The following ZNF616 variants were observed in gnomAD, a reference collection of about 807,000 sequenced individuals.
The protein encoded by ZNF616 is zinc finger protein 616.
A neutral mutation model predicts 7.6 loss-of-function variants in ZNF616; 5 were observed. That is an observed-to-expected ratio of 0.66 (90% CI 0.34 to 1.38). The LOEUF (loss-of-function observed/expected upper bound fraction) is 1.38. Among genes scored for constraint, ZNF616 ranks in the 40% most tolerant of loss-of-function variants. The probability of loss-of-function intolerance (pLI) is 0.04; values close to 1 mark genes in which losing one functional copy is unlikely to be tolerated. For missense variants in ZNF616, 913 were observed against 948.3 expected (o/e 0.96, Z 0.49); for synonymous variants, 319 against 317.2 (o/e 1.01, Z -0.06).
intron 2 of ZNF616, among the ~76,000 whole-genome samples, chr19:52,124,984 C>T (rs887687933): frequency 3.3e-5 from 5 of 152,090 alleles, no homozygotes; most frequent in African/African-American, 7.2e-5. Flanking sequence ...ACACCATATC[C>T]CATTGATAAG....
chr19:52,115,712 C>CT lies in ZNF616; in HGVS notation c.1451dup (p.Arg485GlufsTer13). Reference sequence around the variant, plus strand: ...AAGGTTTCTCTCCAGTATGAATTCTCTGATGAGCTGCAAGTCGTGAATGTA... The same window carrying CT: ...AAGGTTTCTCTCCAGTATGAATTCTCTTGATGAGCTGCAAGTCGTGAATGTA... On this transcript the variant is annotated frameshift_variant, in exon 4 of 4. Coordinates refer to ENST00000600228, the MANE Select transcript of ZNF616 (RefSeq NM_178523.5). LOFTEE classifies it low-confidence loss of function (END_TRUNC). 1 of 1,613,764 alleles carries CT rather than the reference C, an allele frequency of 6.2e-7. No individual in the cohort carries two copies.
In ZNF616 at chr19:52,123,941, T is replaced by C. The variant is rs769849663; in HGVS notation, c.121A>G (p.Arg41Gly). The C allele has an allele frequency of 7.4e-6, 12 of 1,614,046 alleles. No individual in the cohort carries two copies. In the South Asian group the frequency reaches 1.1e-4, roughly 15 times the overall value. ...LYKDVMLENY[R>G]NLVFLGISPK... is the part of the protein sequence containing the mutation. ...TACTCACCTAGGAAGACCAGGTTCC[T>C]ATAGTTCTCCAACATCACATCCTTG... The change falls in exon 3 of 4, where the codon AGG becomes GGG. Residue 41 changes from arginine (R) to glycine (G), a missense_variant. Coordinates refer to ENST00000600228, the MANE Select transcript of ZNF616 (RefSeq NM_178523.5).
intron 2 of ZNF616, among the ~76,000 whole-genome samples, chr19:52,128,357 A>G (rs2088927838): frequency 6.6e-6 from 1 of 152,068 alleles, no homozygotes; most frequent in African/African-American, 2.4e-5. Context: ...GTTTTCCTTT[A>G]CTGCATTCTA....
At chr19:52,130,016 G>A (rs146725929) in intron 2 of ZNF616, among the ~76,000 whole-genome samples, 8,515 of 152,156 alleles carry the variant, frequency 0.056, 514 homozygotes, top group South Asian at 0.27. Flanking sequence ...CAAGTGATCC[G>A]CCCACCTCAG....
At position 52,115,800 on chromosome 19, in the gene ZNF616, T is replaced by C. The variant is rs1429723644; in HGVS notation, c.1364A>G (p.His455Arg). ...TTTCTCGCCGGTATGAATTCTCCAATGCACTGCAAGATGTGAATGCTTACT... is the reference window on the plus strand; with the variant it reads ...TTTCTCGCCGGTATGAATTCTCCAACGCACTGCAAGATGTGAATGCTTACT... Reference protein sequence around the residue: ...VYSKHSHLAVHWRIHTGEKAY... With the variant: ...VYSKHSHLAVRWRIHTGEKAY... Residue 455 changes from histidine to arginine, a missense_variant, in exon 4 of 4, where the codon CAT becomes CGT. Coordinates refer to ENST00000600228, the MANE Select transcript of ZNF616 (RefSeq NM_178523.5). 6.2e-7 allele frequency: 1 copy of C among 1,608,958 alleles called. No homozygotes were observed.
chr19:52,122,009 A>G (rs2088867830), intron 3 of ZNF616, among the ~76,000 whole-genome samples: 1 of 152,146 alleles, frequency 6.6e-6, no homozygotes, highest in Non-Finnish European at 1.5e-5. Context: ...TACATGTATA[A>G]TAAAGTAAGA....
In ZNF616 at chr19:52,116,472, T is replaced by G. The variant is rs1405016473; in HGVS notation, c.692A>C (p.His231Pro). The G allele has an allele frequency of 6.2e-7, 1 of 1,614,188 alleles. No homozygotes were observed. The highest frequency in any genetic ancestry group is 8.5e-7 in the Non-Finnish European group (1 of 1,180,024). The change falls in exon 4 of 4, where the codon CAC (histidine) becomes CCC (proline). Residue 231 changes from histidine to proline, a missense_variant. Physicochemically the swap from His to Pro is moderately conservative, Grantham distance 77. Transcript: ENST00000600228. ...AFHRASLLTV[H>P]KVVHTRGKSY... ...TTTCCCTCTTGTATGGACTACCTTG[T>G]GTACAGTTAGTAGTGAGGCCCGATG...
chr19:52,137,025 ATG>A (rs981514007), intron 1 of ZNF616, among the ~76,000 whole-genome samples: 2 of 146,760 alleles, frequency 1.4e-5, no homozygotes, highest in African/African-American at 5.1e-5. Flanking sequence ...TGTAAAGAAA[ATG>A]TGTGTGTATA....
At chr19:52,117,136 TGA>T (rs1051628575) in intron 3 of ZNF616, 112 bp from the exon 4 acceptor site, 11 of 863,596 alleles carry the variant, frequency 1.3e-5, no homozygotes, top group Non-Finnish European at 1.5e-5. Context: ...TAGACAGGTG[TGA>T]GAGTTCTCCA....
Position 52,115,484 on chromosome 19 carries a change from T to C in ZNF616, c.1680A>G (p.Gln560=), listed in dbSNP as rs1391640950. 4.3e-6 allele frequency: 7 copies of C among 1,613,784 alleles called. No individual in the cohort carries two copies. The highest frequency in any genetic ancestry group is 1.1e-5 in the South Asian group (1 of 91,072). ...TCCGATGCACTGTAAGACGTGAACA[T>C]TGACTGAAGACCTTGCCACATTCTT... ...KCKECGKVFS[Q]CSRLTVHRRI... Residue 560 remains glutamine, a synonymous_variant, in exon 4 of 4, where the codon CAA becomes CAG. Coordinates refer to ENST00000600228, the MANE Select transcript of ZNF616 (RefSeq NM_178523.5).
intron 3 of ZNF616, chr19:52,122,147 T>G (rs551322323): frequency 6.6e-6 from 1 of 151,492 alleles, no homozygotes; most frequent in Non-Finnish European, 1.5e-5. Flanking sequence ...AAGTTATATT[T>G]AGGAAACTGA....
intron 2 of ZNF616, among the ~76,000 whole-genome samples, chr19:52,128,192 A>C (rs1294378850): frequency 6.6e-6 from 1 of 151,972 alleles, no homozygotes; most frequent in Non-Finnish European, 1.5e-5. Context: ...CCAATAAAAA[A>C]AAAAAAAAAA....
chr19:52,115,786 T>C lies in ZNF616; in HGVS notation c.1378A>G (p.Thr460Ala). Residue 460 changes from threonine (T) to alanine (A), a missense_variant, in exon 4 of 4, where the codon ACC (threonine) becomes GCC (alanine). Coordinates refer to ENST00000600228, the MANE Select transcript of ZNF616 (RefSeq NM_178523.5). ...SHLAVHWRIH[T>A]GEKAYKCNEC... ...TTGCATTTATAAGCTTTCTCGCCGG[T>C]ATGAATTCTCCAATGCACTGCAAGA... 1 of 1,609,384 alleles carries C rather than the reference T, an allele frequency of 6.2e-7. No individual in the cohort carries two copies. The highest frequency in any genetic ancestry group is 8.5e-7 in the Non-Finnish European group (1 of 1,177,912).
chr19:52,114,772 T>C lies in ZNF616; in HGVS notation c.*46A>G. ...AGAAGGGGTAAATATACAAGGTATA[T>C]CAGTAAGTAGGAATTATTCGGTGAT... On this transcript the variant is annotated 3_prime_UTR_variant, in exon 4 of 4. Transcript: ENST00000600228. 1 of 1,525,706 alleles carries C rather than the reference T, an allele frequency of 6.6e-7. No homozygotes were observed. 94.5% of individuals were successfully genotyped at this position (1,525,706 alleles called of 1,614,324 possible). A position where few individuals can be genotyped will look rare whatever the true frequency, so the allele number is the denominator to read the frequency against.
Position 52,115,347 on chromosome 19 carries a change from T to A in ZNF616, c.1817A>T (p.Lys606Ile). The A allele has an allele frequency of 6.2e-7, 1 of 1,614,094 alleles. No homozygotes were observed. The change falls in exon 4 of 4, where the codon AAA becomes ATA. Residue 606 changes from lysine (K) to isoleucine (I), a missense_variant. By Grantham distance (102) the Lys-to-Ile change is moderately radical. Transcript: ENST00000600228. The stretch of plus-strand genomic sequence containing the variant: ...AAAGGCTTTGCCACATTCATGACAT[T>A]TGTATGGTTTCTCTCCAGTATGAAC... ...RRVHTGEKPY[K>I]CHECGKAFNQ...
chr19:52,137,171 C>T (rs368678974), intron 1 of ZNF616, among the ~76,000 whole-genome samples: 1 of 151,558 alleles, frequency 6.6e-6, no homozygotes, highest in Admixed American at 6.6e-5. Flanking sequence ...GTAATCCCAG[C>T]ACTTTGGGAG....
rs538104490 is a variant in ZNF616, at chr19:52,113,658, T to A, written c.*1160A>T. The A allele has an allele frequency of 1.6e-4, 24 of 152,128 alleles. No homozygotes were observed. Among genetic ancestry groups the A allele is most frequent in the African/African-American group, 5.5e-4 (23 of 41,540 alleles). 9.4% of individuals were successfully genotyped at this position (152,128 alleles called of 1,614,324 possible). A position where few individuals can be genotyped will look rare whatever the true frequency, so the allele number is the denominator to read the frequency against. ...CCCCAGTGTGTGTTGCTCCCCTCCCTGGGTATATGTGTTCTCATTGTTCAG... is the reference window on the plus strand; with the variant it reads ...CCCCAGTGTGTGTTGCTCCCCTCCCAGGGTATATGTGTTCTCATTGTTCAG... On this transcript the variant is annotated 3_prime_UTR_variant, in exon 4 of 4. Coordinates refer to ENST00000600228, the MANE Select transcript of ZNF616 (RefSeq NM_178523.5).
In ZNF616 at chr19:52,116,438, T is replaced by C. The variant is rs775410568; in HGVS notation, c.726A>G (p.Gln242=). 2.5e-6 allele frequency: 4 copies of C among 1,614,074 alleles called. No individual in the cohort carries two copies. The South Asian group carries it at 3.3e-5, about 13-fold the overall frequency. ...KVVHTRGKSY[Q]CDVCGKIFRK... ...TGAAGATCTTGCCACATACATCACA[T>C]TGATATGATTTCCCTCTTGTATGGA... is the stretch of plus-strand genomic sequence containing the variant. Residue 242 remains glutamine (Q), a synonymous_variant, in exon 4 of 4, where the codon CAA becomes CAG. Transcript: ENST00000600228.
intron 1 of ZNF616, among the ~76,000 whole-genome samples, chr19:52,136,638 G>A (rs937511615): frequency 4.6e-5 from 7 of 152,120 alleles, no homozygotes; most frequent in South Asian, 2.1e-4. Flanking sequence ...CTGCTGCTGG[G>A]AGTGCACATC....
Sources: allele counts gnomAD v4.1 joint callset (sites outside exome capture counted in the v4.1 genomes callset), GRCh38; gene constraint gnomAD v4.1.1; transcripts MANE v1.5; gene names NCBI Gene and HGNC (gene_info 2026-07-23, HGNC 2026-07-21).